The following NUMB variants were observed in gnomAD, a reference collection of about 807,000 sequenced individuals.
NUMB encodes the protein NUMB endocytic adaptor protein.
In NUMB, 29 loss-of-function variants were observed where a neutral mutation model predicts 59.7. The observed-to-expected ratio is 0.49, with a 90% confidence interval of 0.36 to 0.66. NUMB has a LOEUF of 0.66. NUMB is among the 30% of genes least tolerant of loss of function. NUMB has a pLI of 0.00. For missense variants in NUMB, 723 were observed against 822.0 expected, an observed-to-expected ratio of 0.88 and a Z score of 1.47; for synonymous variants, 288 against 288.2, an observed-to-expected ratio of 1.00 and a Z score of 0.01.
rs140397528 is a variant in NUMB at position 73,416,509 on chromosome 14, A to C, written c.-232-6441T>G. ...GCCCATCCTTTGACCCAATAGTTACACTTCTAGAAAATGTATCCAAAATAA... is the reference window on the plus strand; with the variant it reads ...GCCCATCCTTTGACCCAATAGTTACCCTTCTAGAAAATGTATCCAAAATAA... On this transcript the variant is annotated intron_variant, in intron 1 of 12. Coordinates refer to ENST00000555238, the MANE Select transcript of NUMB (RefSeq NM_001005743.2). Among the ~76,000 whole-genome samples the C allele has an allele frequency of 4.2e-4, 64 of 152,088 alleles. 1 individual carries two copies. In the East Asian group the frequency reaches 0.011, roughly 25 times the overall value.
Position 73,292,886 on chromosome 14 carries a change from GAC to G in NUMB, c.310-14_310-13del, listed in dbSNP as rs767393060. ...TCAACTATGAGGTCCTAGAAAATAC[GAC>G]ACACAAAGAAAGAGAAGACTTATGA... On this transcript the variant is annotated splice_polypyrimidine_tract_variant and intron_variant, in intron 7 of 12. Coordinates refer to ENST00000555238, the MANE Select transcript of NUMB (RefSeq NM_001005743.2). The G allele has an allele frequency of 2.6e-5, 42 of 1,613,274 alleles. No individual in the cohort carries two copies. The highest frequency in any genetic ancestry group is 1.0e-4 in the Admixed American group (6 of 59,844).
chr14:73,282,384 C>T lies in NUMB; in HGVS notation c.1071G>A (p.Val357=), dbSNP rs1227750542. 1 of 1,613,990 alleles carries T rather than the reference C, an allele frequency of 6.2e-7. No individual in the cohort carries two copies. Among genetic ancestry groups the T allele is most frequent in the African/African-American group, 1.3e-5 (1 of 74,886 alleles). The change falls in exon 11 of 13, where the codon GTG becomes GTA. Residue 357 remains valine, a synonymous_variant. Transcript: ENST00000555238. ...SAPMTKPVTV[V]APQSPTFQAN... ...CTTGGAAGGTAGGAGATTGTGGTGCCACCACTGTCACTGGTTTGGTCATCG... is the reference window on the plus strand; with the variant it reads ...CTTGGAAGGTAGGAGATTGTGGTGCTACCACTGTCACTGGTTTGGTCATCG...
chr14:73,328,256 C>T (rs1280738026), intron 4 of NUMB, among the ~76,000 whole-genome samples: 45 of 138,110 alleles, frequency 3.3e-4, no homozygotes, highest in Non-Finnish European at 1.5e-5. Context: ...GCCTGGGAGA[C>T]AGAGCAAGAC....
At chr14:73,393,375 ACT>A (rs1315355795) in intron 2 of NUMB, among the ~76,000 whole-genome samples, 4 of 152,218 alleles carry the variant, frequency 2.6e-5, no homozygotes, top group African/African-American at 9.6e-5. Flanking sequence ...CAGAGCAGTA[ACT>A]CTGACAACTA....
chr14:73,350,536 C>A (rs927577453), intron 4 of NUMB, among the ~76,000 whole-genome samples: 1 of 151,662 alleles, frequency 6.6e-6, no homozygotes, highest in Non-Finnish European at 1.5e-5. Context: ...ATTTCTATTA[C>A]CTTTACCTAC....
chr14:73,293,612 C>G (rs2139834920), intron 7 of NUMB, among the ~76,000 whole-genome samples: 1 of 152,238 alleles, frequency 6.6e-6, no homozygotes, highest in South Asian at 2.1e-4. Context: ...AGGACGGTCT[C>G]AATCTCCTGA....
intron 1 of NUMB, among the ~76,000 whole-genome samples, chr14:73,416,836 A>G (rs916351520): frequency 1.3e-5 from 2 of 152,016 alleles, no homozygotes; most frequent in African/African-American, 2.4e-5. Context: ...GCAGTTCTCC[A>G]GCAAAGGCCG....
chr14:73,437,109 GA>G (rs1301998337), intron 1 of NUMB, among the ~76,000 whole-genome samples: 1 of 128,918 alleles, frequency 7.8e-6, no homozygotes, highest in African/African-American at 3.1e-5. Flanking sequence ...GCAGTGGCAC[GA>G]TCACAACTCA....
chr14:73,325,181 T>G (rs1366669726), intron 4 of NUMB, among the ~76,000 whole-genome samples: 1 of 149,742 alleles, frequency 6.7e-6, no homozygotes, highest in African/African-American at 2.5e-5. Flanking sequence ...AAAACTCCAC[T>G]TGCTTGCTGG....
chr14:73,429,332 A>T (rs1897725550), intron 1 of NUMB, among the ~76,000 whole-genome samples: 1 of 152,118 alleles, frequency 6.6e-6, no homozygotes, highest in South Asian at 2.1e-4. Flanking sequence ...AGATCACGCC[A>T]CTGCACTCCA....
intron 1 of NUMB, among the ~76,000 whole-genome samples, chr14:73,442,019 C>T (rs1218693360): frequency 6.6e-6 from 1 of 151,746 alleles, no homozygotes; most frequent in Non-Finnish European, 1.5e-5. Flanking sequence ...TACCATATAA[C>T]CTAGCAATTC....
intron 6 of NUMB, among the ~76,000 whole-genome samples, chr14:73,312,947 G>T (rs759914329): frequency 6.6e-6 from 1 of 151,656 alleles, no homozygotes; most frequent in Non-Finnish European, 1.5e-5. Context: ...GTGCTGCTCA[G>T]TTACTCTGAA....
At chr14:73,442,926 A>C (rs149072716) in intron 1 of NUMB, among the ~76,000 whole-genome samples, 1 of 151,988 alleles carries the variant, frequency 6.6e-6, no homozygotes, top group African/African-American at 2.4e-5. Flanking sequence ...GTAGTGGTGC[A>C]ATCTCAGCTC....
chr14:73,443,469 C>A (rs946760517), intron 1 of NUMB, among the ~76,000 whole-genome samples: 2 of 151,998 alleles, frequency 1.3e-5, no homozygotes, highest in Admixed American at 6.6e-5. Context: ...GTGGCGCACG[C>A]CTGTAATCCC....
In NUMB at chr14:73,276,475, G is replaced by A. The variant is rs1888160297; in HGVS notation, c.*103C>T. 1 of 853,830 alleles carries A rather than the reference G, an allele frequency of 1.2e-6. No individual in the cohort carries two copies. The highest frequency in any genetic ancestry group is 1.8e-6 in the Non-Finnish European group (1 of 552,696). The allele number at this position is 853,830 out of a possible 1,614,324, so 52.9% of individuals were successfully genotyped here. A position where few individuals can be genotyped will look rare whatever the true frequency, so the allele number is the denominator to read the frequency against. ...TTGTTCCTTGGGACCTTTGGGATTA[G>A]TGAAAAGAGTACTAATCAGGAGACA... On this transcript the variant is annotated 3_prime_UTR_variant, in exon 13 of 13. Transcript: ENST00000555238.
rs537786435 is a variant in NUMB at position 73,452,065 on chromosome 14, C to CA, written c.-233+6427dup. On this transcript the variant is annotated intron_variant, in intron 1 of 12. Transcript: ENST00000555238. ...TTAACAAGACCCTGTCTCTACCCCC[C>CA]AAAAAAAAAACTGGCCAGGCGTGGT... Among the ~76,000 whole-genome samples, 1,080 of 147,746 alleles carry CA rather than the reference C, an allele frequency of 7.3e-3. 5 individuals are homozygous for CA. The highest frequency in any genetic ancestry group is 0.03 in the South Asian group (143 of 4,700).
intron 2 of NUMB, among the ~76,000 whole-genome samples, chr14:73,384,131 T>C (rs1387458731): frequency 6.6e-6 from 1 of 151,226 alleles, no homozygotes; most frequent in Admixed American, 6.6e-5. Flanking sequence ...AATAAAACTA[T>C]CCTTTTAAAA....
chr14:73,449,698 G>A (rs1883790960), intron 1 of NUMB, among the ~76,000 whole-genome samples: 1 of 48,548 alleles, frequency 2.1e-5, no homozygotes, highest in East Asian at 8.0e-4. Context: ...GTAATGTTTT[G>A]GTGTTTGTTT....
chr14:73,347,404 A>G (rs1892973779), intron 4 of NUMB, among the ~76,000 whole-genome samples: 2 of 152,198 alleles, frequency 1.3e-5, no homozygotes, highest in Non-Finnish European at 1.5e-5. Context: ...CAACAAACAC[A>G]GCCACCACCA....
Sources: allele counts gnomAD v4.1 joint callset (sites outside exome capture counted in the v4.1 genomes callset), GRCh38; gene constraint gnomAD v4.1.1; transcripts MANE v1.5; gene names NCBI Gene and HGNC (gene_info 2026-07-23, HGNC 2026-07-21).